Variants in VDR observed in about 807,000 individuals in gnomAD.
VDR encodes vitamin D receptor.
In VDR, 19 loss-of-function variants were observed where a neutral mutation model predicts 39.7. The ratio of observed to expected loss-of-function variants is 0.48; its 90% CI spans 0.33 to 0.70. The LOEUF is 0.70. VDR is among the 30% of genes least tolerant of loss of function. The pLI, the probability that VDR is intolerant of heterozygous loss-of-function variation, is 0.02. For synonymous variants in VDR, 242 were observed against 215.8 expected (o/e 1.12, Z -1.07); for missense variants, 442 against 570.5 (o/e 0.77, Z 2.29).
At chr12:47,883,946 C>G (rs889685491) in intron 1 of VDR, among the ~76,000 whole-genome samples, 1 of 152,224 alleles carries the variant, frequency 6.6e-6, no homozygotes, top group African/African-American at 2.4e-5. Context: ...CTGGGCTGGC[C>G]CACCCCCACA....
At chr12:47,881,119 T>TACACAC (rs59578257) in intron 2 of VDR, among the ~76,000 whole-genome samples, 2 of 148,994 alleles carry the variant, frequency 1.3e-5, no homozygotes, top group Non-Finnish European at 3.0e-5. Flanking sequence ...TATATATATA[T>TACACAC]ACACACACAT....
intron 3 of VDR, 66 bp downstream of exon 3, chr12:47,878,902 T>G (rs776564320): frequency 5.6e-5 from 90 of 1,612,520 alleles, no homozygotes; most frequent in Non-Finnish European, 7.0e-5. Flanking sequence ...AAGGGCTCCC[T>G]TCATGGAAAC....
intron 4 of VDR, among the ~76,000 whole-genome samples, chr12:47,859,021 G>T (rs908967250): frequency 6.6e-6 from 1 of 152,214 alleles, no homozygotes; most frequent in African/African-American, 2.4e-5. Context: ...TGACTCACCT[G>T]CCCAAACAGC....
At chr12:47,891,585 T>A (rs544243496) in intron 1 of VDR, among the ~76,000 whole-genome samples, 1 of 152,252 alleles carries the variant, frequency 6.6e-6, no homozygotes, top group Non-Finnish European at 1.5e-5. Context: ...CTTTCAAAAC[T>A]TCTTGGGGTG....
chr12:47,879,245 G>T (rs930283114), intron 2 of VDR, 130 bp from the exon 3 acceptor site: 4 of 1,158,736 alleles, frequency 3.5e-6, no homozygotes, highest in Non-Finnish European at 4.8e-6. Flanking sequence ...GCTCAGCAAG[G>T]GTGGGCATCT....
intron 1 of VDR, chr12:47,898,615 C>G (rs1031813936): frequency 1.9e-5 from 3 of 154,778 alleles, no homozygotes; most frequent in African/African-American, 7.2e-5. Context: ...GGAAACAACC[C>G]AAATGTCCAT....
intron 2 of VDR, among the ~76,000 whole-genome samples, chr12:47,881,119 TAC>T (rs59578257): frequency 6.7e-6 from 1 of 148,992 alleles, no homozygotes; most frequent in Non-Finnish European, 1.5e-5. Context: ...TATATATATA[TAC>T]ACACACATAT....
chr12:47,856,622 T>TA (rs61388360), intron 6 of VDR, among the ~76,000 whole-genome samples: 3,121 of 126,116 alleles, frequency 0.025, 99 homozygotes, highest in African/African-American at 0.075. Context: ...GTGTTTTTTT[T>TA]AAAAAAAAAA....
chr12:47,876,907 G>T (rs1181973189), intron 3 of VDR, among the ~76,000 whole-genome samples: 1 of 152,210 alleles, frequency 6.6e-6, no homozygotes, highest in African/African-American at 2.4e-5. Flanking sequence ...TCATTTCCCA[G>T]AGCTGAATCT....
chr12:47,888,366 A>G (rs1946300897), intron 1 of VDR, among the ~76,000 whole-genome samples: 1 of 152,138 alleles, frequency 6.6e-6, no homozygotes, highest in Non-Finnish European at 1.5e-5. Flanking sequence ...AAACCAGGCT[A>G]CATACTCTCA....
intron 4 of VDR, among the ~76,000 whole-genome samples, chr12:47,860,600 T>C (rs1945608532): frequency 6.6e-6 from 1 of 152,204 alleles, no homozygotes; most frequent in African/African-American, 2.4e-5. Flanking sequence ...GATTCAGAGG[T>C]ATCATTCTGA....
intron 1 of VDR, among the ~76,000 whole-genome samples, chr12:47,897,659 G>A (rs975611091): frequency 1.3e-5 from 2 of 152,146 alleles, no homozygotes; most frequent in Non-Finnish European, 2.9e-5. Context: ...CAGGGTATTC[G>A]ACCTTCAAAG....
intron 3 of VDR, among the ~76,000 whole-genome samples, chr12:47,866,696 A>G (rs1945743210): frequency 6.6e-6 from 1 of 152,208 alleles, no homozygotes; most frequent in African/African-American, 2.4e-5. Context: ...CTCTGTAGGA[A>G]CAGAAAACTA....
At chr12:47,880,016 T>C (rs545611547) in intron 2 of VDR, among the ~76,000 whole-genome samples, 22 of 152,274 alleles carry the variant, frequency 1.4e-4, no homozygotes, top group Non-Finnish European at 2.5e-4. Context: ...CAGCTTTGTC[T>C]GCTGCGTCTG....
intron 2 of VDR, among the ~76,000 whole-genome samples, chr12:47,881,865 A>G (rs1210787646): frequency 6.6e-6 from 1 of 152,156 alleles, no homozygotes; most frequent in Non-Finnish European, 1.5e-5. Flanking sequence ...AATAGGGGAA[A>G]CTGTCCAGGA....
intron 9 of VDR, among the ~76,000 whole-genome samples, chr12:47,845,321 C>G (rs1945259961): frequency 6.6e-6 from 1 of 151,786 alleles, no homozygotes; most frequent in Non-Finnish European, 1.5e-5. Flanking sequence ...GCCTTCACAT[C>G]TGTGCTCCCT....
chr12:47,866,865 C>A (rs887261659), intron 3 of VDR, among the ~76,000 whole-genome samples: 1 of 152,008 alleles, frequency 6.6e-6, no homozygotes, highest in Non-Finnish European at 1.5e-5. Flanking sequence ...TGGTGCATGC[C>A]TGTAGTCCCA....
chr12:47,888,140 A>G (rs1946294460), intron 1 of VDR, among the ~76,000 whole-genome samples: 1 of 152,182 alleles, frequency 6.6e-6, no homozygotes, highest in Non-Finnish European at 1.5e-5. Context: ...AAAATACGGA[A>G]GAAGCAAAAG....
intron 1 of VDR, among the ~76,000 whole-genome samples, chr12:47,883,150 C>G (rs1162223170): frequency 6.6e-6 from 1 of 152,204 alleles, no homozygotes; most frequent in African/African-American, 2.4e-5. Context: ...CTCACTACCC[C>G]CTCCATCTCC....
Sources: gnomAD v4.1 joint callset for allele counts (sites outside exome capture counted in the v4.1 genomes callset) on GRCh38, gnomAD v4.1.1 for gene constraint, MANE v1.5 for transcripts, NCBI Gene and HGNC (gene_info 2026-07-23, HGNC 2026-07-21) for gene names.